Variants in TYRO3 observed in about 807,000 individuals in gnomAD.
TYRO3 encodes the protein tyrosine-protein kinase receptor TYRO3.
A neutral mutation model predicts 95.2 loss-of-function variants in TYRO3; 38 were observed. That is an observed-to-expected ratio of 0.40 (90% CI 0.31 to 0.52). The LOEUF (loss-of-function observed/expected upper bound fraction) is 0.52. Among genes scored for constraint, TYRO3 ranks in the 20% least tolerant of loss-of-function variants. The pLI is 0.56. For synonymous variants in TYRO3, 367 were observed against 432.9 expected (o/e 0.85, Z 1.89); for missense variants, 812 against 1,116.4 (o/e 0.73, Z 3.89).
At position 41,578,268 on chromosome 15, in the gene TYRO3, A is replaced by G. The variant is rs767673747; in HGVS notation, c.2665A>G (p.Ser889Gly). ...GCAGCAAGGGCTACTGCCACACAGTAGCTGTTAGCCCACAGGCAGAGGGCA... is the reference window on the plus strand; with the variant it reads ...GCAGCAAGGGCTACTGCCACACAGTGGCTGTTAGCCCACAGGCAGAGGGCA... ...LLQQGLLPHS[S>G]C The change falls in exon 19 of 19, where the codon AGC becomes GGC. Residue 889 changes from serine (S) to glycine (G), a missense_variant. By Grantham distance (56) the Ser-to-Gly change is moderately conservative. Coordinates refer to ENST00000263798, the MANE Select transcript of TYRO3 (RefSeq NM_006293.4). The G allele has an allele frequency of 3.7e-6, 6 of 1,613,220 alleles. No homozygotes were observed. The highest frequency in any genetic ancestry group is 4.2e-6 in the Non-Finnish European group (5 of 1,180,026).
intron 4 of TYRO3, 36 bp downstream of exon 4, chr15:41,562,754 G>A (rs375283686): frequency 1.3e-6 from 2 of 1,580,854 alleles, no homozygotes; most frequent in African/African-American, 2.7e-5. Context: ...GAGTGGAGAA[G>A]GAGCTGGGTC....
chr15:41,572,372 G>A, intron 14 of TYRO3, 71 bp from the exon 15 acceptor site: 1 of 1,536,438 alleles, frequency 6.5e-7, no homozygotes, highest in Non-Finnish European at 8.8e-7. Context: ...CCAGCAGGTG[G>A]GGACTTATGC....
rs1243875800 is a variant in TYRO3, at chr15:41,582,929, T to TCCCA, written c.*4656_*4659dup. 1 of 149,972 alleles carries TCCCA rather than the reference T, an allele frequency of 6.7e-6. No individual in the cohort carries two copies. Among genetic ancestry groups the TCCCA allele is most frequent in the Non-Finnish European group, 1.5e-5 (1 of 67,590 alleles). The allele number at this position is 149,972 out of a possible 1,614,324, so 9.3% of individuals were successfully genotyped here. A position where few individuals can be genotyped will look rare whatever the true frequency, so the allele number is the denominator to read the frequency against. On this transcript the variant is annotated 3_prime_UTR_variant, in exon 19 of 19. Coordinates refer to ENST00000263798, the MANE Select transcript of TYRO3 (RefSeq NM_006293.4). ...GAGTAAAGTGATAGTAAACTGATTC[T>TCCCA]CCCACCTCAGCGTCCTGAATAGCTG...
Position 41,559,247 on chromosome 15 carries a change from C to T in TYRO3, c.-11C>T. 2.7e-6 allele frequency: 1 copy of T among 370,530 alleles called. No individual in the cohort carries two copies. Among genetic ancestry groups the T allele is most frequent in the Non-Finnish European group, 4.4e-6 (1 of 225,366 alleles). The allele number at this position is 370,530 out of a possible 1,614,324, so 23.0% of individuals were successfully genotyped here. On this transcript the variant is annotated 5_prime_UTR_variant, in exon 1 of 19. Transcript: ENST00000263798. Reference sequence around the variant, plus strand: ...GCGGGCCGGGCCCGGCATGGTGCGGCGTCGCCGCCGATGGCGCTGAGGCGG... The same window carrying T: ...GCGGGCCGGGCCCGGCATGGTGCGGTGTCGCCGCCGATGGCGCTGAGGCGG...
chr15:41,561,045 C>T (rs1401548913), intron 1 of TYRO3, 82 bp from the exon 2 acceptor site: 1 of 1,398,484 alleles, frequency 7.2e-7, no homozygotes, highest in Non-Finnish European at 9.8e-7. Flanking sequence ...GACACAGAAG[C>T]TACCTTCTAG....
chr15:41,564,103 G>A, intron 4 of TYRO3, 81 bp from the exon 5 acceptor site: 1 of 1,317,092 alleles, frequency 7.6e-7, no homozygotes, highest in Non-Finnish European at 1.1e-6. Flanking sequence ...GTTCAGACCA[G>A]AGCCTGAGTA....
Position 41,578,123 on chromosome 15 carries a change from G to T in TYRO3, c.2520G>T (p.Val840=). 1 of 1,613,928 alleles carries T rather than the reference G, an allele frequency of 6.2e-7. No homozygotes were observed. The change falls in exon 19 of 19, where the codon GTG becomes GTT. Residue 840 remains valine, a synonymous_variant. Transcript: ENST00000263798. Reference sequence around the variant, plus strand: ...GGGATGGCAGTGGCATGGGGGCAGTGGGTGGCACTCCCAGTGACTGTCGGT... The same window carrying T: ...GGGATGGCAGTGGCATGGGGGCAGTTGGTGGCACTCCCAGTGACTGTCGGT... ...GAGDGSGMGA[V]GGTPSDCRYI... is the part of the protein sequence containing the mutation.
In TYRO3 at chr15:41,562,625, G is replaced by A; in HGVS notation, c.487G>A (p.Val163Met). The change falls in exon 4 of 19, where the codon GTG (valine) becomes ATG (methionine). Residue 163 changes from valine (V) to methionine (M), a missense_variant. Transcript: ENST00000263798. ...NAPFQLSCEA[V>M]GPPEPVTIVW... ...CCCTTTCCAACTGTCTTGTGAGGCT[G>A]TGGGTCCCCCTGAACCTGTTACCAT... The A allele has an allele frequency of 1.9e-6, 3 of 1,614,060 alleles. No homozygotes were observed. The highest frequency in any genetic ancestry group is 2.5e-6 in the Non-Finnish European group (3 of 1,180,054).
chr15:41,577,714 TG>T, intron 18 of TYRO3, 171 bp from the exon 19 acceptor site: 1 of 626,792 alleles, frequency 1.6e-6, no homozygotes. Context: ...CTCGAACTCC[TG>T]GGCTCAAATA....
chr15:41,565,248 C>T (rs1261801225), intron 6 of TYRO3, 107 bp downstream of exon 6: 1 of 688,858 alleles, frequency 1.5e-6, no homozygotes, highest in African/African-American at 1.8e-5. Context: ...GTCTGCAGCT[C>T]TTTTCAGGCT....
intron 15 of TYRO3, 146 bp from the exon 16 acceptor site, chr15:41,572,856 C>T: frequency 2.7e-6 from 2 of 751,002 alleles, no homozygotes; most frequent in East Asian, 2.7e-5. Flanking sequence ...GCCGAAGCTT[C>T]CTTGCCTTGG....
Position 41,581,481 on chromosome 15 carries a change from T to G in TYRO3, c.*3205T>G, listed in dbSNP as rs879814793. 4 of 152,842 alleles carry G rather than the reference T, an allele frequency of 2.6e-5. No individual in the cohort carries two copies. The highest frequency in any genetic ancestry group is 5.9e-5 in the Non-Finnish European group (4 of 68,034). The allele number at this position is 152,842 out of a possible 1,614,324, so 9.5% of individuals were successfully genotyped here. A position where few individuals can be genotyped will look rare whatever the true frequency, so the allele number is the denominator to read the frequency against. The stretch of plus-strand genomic sequence containing the variant: ...CTTTCCTGCTGTGATTAGCTTTCAC[T>G]GCAGGTAGTGATTACCTGTGAGATA... On this transcript the variant is annotated 3_prime_UTR_variant, in exon 19 of 19. Transcript: ENST00000263798.
At chr15:41,572,810 G>A (rs377322883) in intron 15 of TYRO3, among the ~76,000 whole-genome samples, 192 bp from the exon 16 acceptor site, 1 of 152,200 alleles carries the variant, frequency 6.6e-6, no homozygotes, top group South Asian at 2.1e-4. Context: ...GCCCCAGGGT[G>A]GGGGAGTCTC....
intron 4 of TYRO3, among the ~76,000 whole-genome samples, chr15:41,563,957 C>T (rs928685920): frequency 2.0e-5 from 3 of 152,154 alleles, no homozygotes; most frequent in African/African-American, 7.2e-5. Flanking sequence ...ACACACATTA[C>T]CTGATTCTCA....
At chr15:41,565,234 C>T (rs936986846) in intron 6 of TYRO3, 93 bp downstream of exon 6, 3 of 766,160 alleles carry the variant, frequency 3.9e-6, no homozygotes, top group African/African-American at 1.7e-5. Context: ...CTCCTGGGGG[C>T]TTGGTCTGCA....
At chr15:41,568,470 C>G (rs117053817) in intron 8 of TYRO3, 108 bp downstream of exon 8, 6 of 1,162,546 alleles carry the variant, frequency 5.2e-6, no homozygotes, top group Middle Eastern at 2.1e-4. Flanking sequence ...CTGGGTCTCC[C>G]GCAGCCCCAG....
In TYRO3 at chr15:41,573,091, C is replaced by T. The variant is rs568937682; in HGVS notation, c.1965C>T (p.Asp655=). The change falls in exon 16 of 19, where the codon GAC becomes GAT. Residue 655 remains aspartate, a synonymous_variant. Coordinates refer to ENST00000263798, the MANE Select transcript of TYRO3 (RefSeq NM_006293.4). The part of the protein sequence containing the change: ...YLSSRNFIHR[D]LAARNCMLAE... ...GCTCTCGGAACTTCATCCACCGAGA[C>T]CTGGCTGCTCGGAATTGCATGTACG... is the stretch of plus-strand genomic sequence containing the variant. 19 of 1,614,094 alleles carry T rather than the reference C, an allele frequency of 1.2e-5. No individual in the cohort carries two copies. In the East Asian group the frequency reaches 3.8e-4, roughly 32 times the overall value.
At chr15:41,560,399 G>GTT (rs1477108404) in intron 1 of TYRO3, among the ~76,000 whole-genome samples, 2 of 127,350 alleles carry the variant, frequency 1.6e-5, no homozygotes, top group African/African-American at 7.7e-5. Flanking sequence ...GTGTATGTGT[G>GTT]TGTGTGTGTG....
At chr15:41,576,374 G>T (rs1233399288) in intron 18 of TYRO3, among the ~76,000 whole-genome samples, 1 of 151,540 alleles carries the variant, frequency 6.6e-6, no homozygotes, top group East Asian at 2.0e-4. Flanking sequence ...TGTATTTTTA[G>T]TAGAGACGGG....
Sources: allele counts gnomAD v4.1 joint callset (sites outside exome capture counted in the v4.1 genomes callset), GRCh38; gene constraint gnomAD v4.1.1; transcripts MANE v1.5; gene names NCBI Gene and HGNC (gene_info 2026-07-23, HGNC 2026-07-21).